Variants in PCMTD1 observed in about 807,000 individuals in gnomAD.
PCMTD1 encodes the protein protein-L-isoaspartate O-methyltransferase domain-containing protein 1.
PCMTD1 carries 12 observed loss-of-function variants against 37.6 expected under a neutral mutation model. The observed-to-expected ratio is 0.32, with a 90% confidence interval of 0.20 to 0.52. PCMTD1 has a LOEUF of 0.52. PCMTD1 is among the 20% of genes least tolerant of loss of function. PCMTD1 has a pLI of 0.97. For missense variants in PCMTD1, 235 were observed against 421.3 expected (o/e 0.56, Z 3.87); for synonymous variants, 117 against 135.8 (o/e 0.86, Z 0.96).
At position 51,817,728 on chromosome 8, in the gene PCMTD1, AAC is replaced by A; in HGVS notation, c.*2621_*2622del. On this transcript the variant is annotated 3_prime_UTR_variant, in exon 6 of 6. Transcript: ENST00000522514. The stretch of plus-strand genomic sequence containing the variant: ...TTACTACTATGTATGCTATTTTAAT[AAC>A]ATTTTTCTTTATTAATACTAGAACC... 2.6e-6 allele frequency: 1 copy of A among 385,404 alleles called. No homozygotes were observed. The highest frequency in any genetic ancestry group is 5.1e-6 in the Non-Finnish European group (1 of 196,766). 23.9% of individuals were successfully genotyped at this position (385,404 alleles called of 1,614,324 possible).
intron 1 of PCMTD1, among the ~76,000 whole-genome samples, chr8:51,893,168 C>G (rs778153959): frequency 6.6e-6 from 1 of 152,050 alleles, no homozygotes; most frequent in African/African-American, 2.4e-5. Flanking sequence ...AAAAAGAAAA[C>G]GTCTCTTCCC....
intron 3 of PCMTD1, among the ~76,000 whole-genome samples, chr8:51,836,891 G>A (rs1054781729): frequency 1.3e-5 from 2 of 152,090 alleles, no homozygotes; most frequent in Non-Finnish European, 1.5e-5. Context: ...GTACTTCTCT[G>A]TAGTAATACA....
Position 51,820,693 on chromosome 8 carries a change from C to T in PCMTD1, c.732G>A (p.Gln244=), listed in dbSNP as rs1308312177. 5.6e-6 allele frequency: 9 copies of T among 1,611,612 alleles called. No homozygotes were observed. The Middle Eastern group carries it at 8.3e-4, about 148-fold the overall frequency. Reference sequence around the variant, plus strand: ...GTCGAATGTAAATACGAGCCAAGTCCTGTAGATTCCTGACAGCACAGGGAG... The same window carrying T: ...GTCGAATGTAAATACGAGCCAAGTCTTGTAGATTCCTGACAGCACAGGGAG... ...GLPPCAVRNL[Q]DLARIYIRRT... Residue 244 remains glutamine, a synonymous_variant, in exon 6 of 6, where the codon CAG becomes CAA. Transcript: ENST00000522514.
chr8:51,858,855 G>A (rs541281127), intron 2 of PCMTD1, among the ~76,000 whole-genome samples: 2 of 152,290 alleles, frequency 1.3e-5, no homozygotes, highest in African/African-American at 4.8e-5. Context: ...AAACTATCTA[G>A]TGCATTGTAG....
At chr8:51,897,779 C>T (rs2039028270) in intron 1 of PCMTD1, among the ~76,000 whole-genome samples, 1 of 152,030 alleles carries the variant, frequency 6.6e-6, no homozygotes, top group African/African-American at 2.4e-5. Flanking sequence ...CCCAAGCCTA[C>T]GTAGATTGGA....
At chr8:51,841,048 G>C (rs557141431) in intron 3 of PCMTD1, among the ~76,000 whole-genome samples, 1 of 152,262 alleles carries the variant, frequency 6.6e-6, no homozygotes, top group South Asian at 2.1e-4. Flanking sequence ...GCAGTAACTT[G>C]CTGGAAAGAA....
At chr8:51,822,365 G>GAA (rs34939225) in intron 5 of PCMTD1, among the ~76,000 whole-genome samples, 40 of 150,348 alleles carry the variant, frequency 2.7e-4, no homozygotes, top group Admixed American at 4.6e-4. Flanking sequence ...ATGAGGGAGG[G>GAA]AAAAAAAAAT....
intron 1 of PCMTD1, among the ~76,000 whole-genome samples, chr8:51,891,894 A>G (rs1281951941): frequency 6.6e-6 from 1 of 152,026 alleles, no homozygotes; most frequent in Admixed American, 6.6e-5. Flanking sequence ...CTCTTGTTAA[A>G]GATTCTGACT....
chr8:51,839,534 C>A (rs1053024800), intron 3 of PCMTD1: 21 of 985,264 alleles, frequency 2.1e-5, no homozygotes, highest in Non-Finnish European at 2.4e-5. Context: ...GGGACCTTGC[C>A]AACTTGCCCA....
intron 2 of PCMTD1, 37 bp from the exon 3 acceptor site, chr8:51,845,800 T>C (rs776195880): frequency 7.7e-6 from 11 of 1,424,048 alleles, no homozygotes; most frequent in East Asian, 2.3e-5. Context: ...AAAATATTAA[T>C]AATATGCCCT....
chr8:51,835,809 C>T (rs1170808564), intron 3 of PCMTD1, among the ~76,000 whole-genome samples: 1 of 152,132 alleles, frequency 6.6e-6, no homozygotes, highest in African/African-American at 2.4e-5. Flanking sequence ...AAGGAAATCA[C>T]CATTACAGGT....
rs2038468461 is a variant in PCMTD1, at chr8:51,861,479, A to C, written c.-95-233T>G. Among the ~76,000 whole-genome samples, 4 of 152,112 alleles carry C rather than the reference A, an allele frequency of 2.6e-5. 1 individual carries two copies. In the South Asian group the frequency reaches 6.2e-4, roughly 24 times the overall value. ...AGATGGGAAAACTGGAACACAAAGAAGTCAAGTAAGTCACCTAGTACCGTG... is the reference window on the plus strand; with the variant it reads ...AGATGGGAAAACTGGAACACAAAGACGTCAAGTAAGTCACCTAGTACCGTG... On this transcript the variant is annotated intron_variant, in intron 1 of 5. Transcript: ENST00000522514.
chr8:51,894,561 T>C (rs1306428702), intron 1 of PCMTD1, among the ~76,000 whole-genome samples: 2 of 152,324 alleles, frequency 1.3e-5, no homozygotes, highest in East Asian at 3.9e-4. Flanking sequence ...AATGACCACA[T>C]GAGAACAAAG....
chr8:51,853,436 G>C (rs931528467), intron 2 of PCMTD1, among the ~76,000 whole-genome samples: 4 of 151,762 alleles, frequency 2.6e-5, no homozygotes, highest in African/African-American at 9.7e-5. Flanking sequence ...CAGGGAGATA[G>C]AGATTCACAA....
Position 51,820,216 on chromosome 8 carries a change from G to T in PCMTD1, c.*135C>A. On this transcript the variant is annotated 3_prime_UTR_variant, in exon 6 of 6. Transcript: ENST00000522514. ...CACTGAATACATCATTTGTGTTACT[G>T]ACAGAAACAAGTGATTTTTTTTCCA... is the stretch of plus-strand genomic sequence containing the variant. The T allele has an allele frequency of 1.5e-6, 1 of 650,276 alleles. No individual in the cohort carries two copies. The highest frequency in any genetic ancestry group is 2.2e-6 in the Non-Finnish European group (1 of 457,874). 40.3% of individuals were successfully genotyped at this position (650,276 alleles called of 1,614,324 possible). A position where few individuals can be genotyped will look rare whatever the true frequency, so the allele number is the denominator to read the frequency against.
chr8:51,828,889 A>G (rs2129274801), intron 5 of PCMTD1, among the ~76,000 whole-genome samples: 1 of 152,316 alleles, frequency 6.6e-6, no homozygotes, highest in Middle Eastern at 3.4e-3. Context: ...GTTTAAATAA[A>G]CATTTCAACA....
intron 1 of PCMTD1, among the ~76,000 whole-genome samples, chr8:51,891,317 A>G (rs570343999): frequency 6.6e-6 from 1 of 152,292 alleles, no homozygotes; most frequent in South Asian, 2.1e-4. Context: ...TGGGAGGACA[A>G]GGCAGGAGGA....
intron 1 of PCMTD1, among the ~76,000 whole-genome samples, chr8:51,887,505 C>T (rs1420779518): frequency 1.3e-5 from 2 of 152,032 alleles, no homozygotes; most frequent in African/African-American, 2.4e-5. Context: ...AGGTTATATT[C>T]TTAAGATAGT....
chr8:51,852,468 TTC>T (rs1171254407), intron 2 of PCMTD1, among the ~76,000 whole-genome samples: 2 of 152,194 alleles, frequency 1.3e-5, no homozygotes, highest in Non-Finnish European at 2.9e-5. Context: ...CAAAATTAAT[TTC>T]TTATTAATTT....
Sources: allele counts gnomAD v4.1 joint callset (sites outside exome capture counted in the v4.1 genomes callset), GRCh38; gene constraint gnomAD v4.1.1; transcripts MANE v1.5; gene names NCBI Gene and HGNC (gene_info 2026-07-23, HGNC 2026-07-21).